Variants in COQ8A observed in about 807,000 individuals in gnomAD.
The protein encoded by COQ8A is atypical kinase COQ8A, mitochondrial.
A neutral mutation model predicts 65.0 loss-of-function variants in COQ8A; 51 were observed. The observed-to-expected ratio is 0.78, with a 90% confidence interval of 0.63 to 0.99. The LOEUF is 0.99. COQ8A is among the 50% of genes least tolerant of loss of function. COQ8A has a pLI of 0.00. For missense variants in COQ8A, 940 were observed against 875.0 expected, an observed-to-expected ratio of 1.07 and a Z score of -0.94; for synonymous variants, 371 against 353.2, an observed-to-expected ratio of 1.05 and a Z score of -0.57.
At chr1:226,940,988 C>T (rs188495843) in intron 1 of COQ8A, among the ~76,000 whole-genome samples, 1 of 152,344 alleles carries the variant, frequency 6.6e-6, no homozygotes, top group Non-Finnish European at 1.5e-5. Context: ...CTTTCCTCTT[C>T]TCCAAACTCT....
At chr1:226,959,807 G>T (rs1658040819) in intron 1 of COQ8A, among the ~76,000 whole-genome samples, 2 of 152,236 alleles carry the variant, frequency 1.3e-5, no homozygotes, top group African/African-American at 4.8e-5. Context: ...AGTTCACTGG[G>T]TATGTAGGAT....
At chr1:226,985,438 G>C in intron 14 of COQ8A, 98 bp downstream of exon 14, 1 of 1,447,162 alleles carries the variant, frequency 6.9e-7, no homozygotes, top group South Asian at 1.1e-5. Flanking sequence ...TGCCCTCAAG[G>C]GGCCCCCAGA....
In COQ8A at chr1:226,946,432, T is replaced by C. The variant is rs748242428; in HGVS notation, c.-10+6033T>C. On this transcript the variant is annotated intron_variant, in intron 1 of 14. Coordinates refer to ENST00000366777, the MANE Select transcript of COQ8A (RefSeq NM_020247.5). The surrounding 1 kb of genome is among the most constrained non-coding windows in gnomAD (Gnocchi z 5.3). ...CCGGGGGTCCATTCTGGCTGAAGCG[T>C]TGGGGCACGGAGGCATCTAGCGAGA... is the stretch of plus-strand genomic sequence containing the variant. 3.9e-5 allele frequency among the ~76,000 whole-genome samples: 6 copies of C among 152,094 alleles called. No homozygotes were observed. Among genetic ancestry groups the C allele is most frequent in the Non-Finnish European group, 7.4e-5 (5 of 68,004 alleles).
chr1:226,981,133 A>G (rs1659660080), intron 5 of COQ8A, among the ~76,000 whole-genome samples: 1 of 152,256 alleles, frequency 6.6e-6, no homozygotes. Flanking sequence ...GCCCGGCGAC[A>G]AGGGGTGCTG....
rs1216629181 is a variant in COQ8A at position 226,982,072 on chromosome 1, A to G, written c.776A>G (p.Asn259Ser). 3.7e-6 allele frequency: 6 copies of G among 1,612,766 alleles called. No individual in the cohort carries two copies. The highest frequency in any genetic ancestry group is 2.2e-5 in the East Asian group (1 of 44,880). ...LGSSPFLSEA[N>S]AERIVRTLCK... is the part of the protein sequence containing the mutation. ...TCCAGTCCTTTCCTGTCCGAGGCCA[A>G]TGCAGAGCGGATCGTGCGCACGCTC... is the stretch of plus-strand genomic sequence containing the variant. The change falls in exon 6 of 15, where the codon AAT becomes AGT. Residue 259 changes from asparagine (N) to serine (S), a missense_variant. Transcript: ENST00000366777.
rs757385972 is a variant in COQ8A, at chr1:226,983,811, G to C, written c.1213G>C (p.Glu405Gln). The change falls in exon 10 of 15, where the codon GAG (glutamate) becomes CAG (glutamine). Residue 405 changes from glutamate (E) to glutamine (Q), a missense_variant. Physicochemically the swap from Glu to Gln is conservative, Grantham distance 29 (BLOSUM62 2). Transcript: ENST00000366777. ...CGTGCTGAGGCGGGAGCTGGCCCTG[G>C]AGTGTGACTACCAGCGAGAGGCCGC... Reference protein sequence around the residue: ...IDVLRRELALECDYQREAACA... With the variant: ...IDVLRRELALQCDYQREAACA... 1.9e-6 allele frequency: 3 copies of C among 1,612,430 alleles called. No homozygotes were observed. The highest frequency in any genetic ancestry group is 1.7e-6 in the Non-Finnish European group (2 of 1,179,992).
In COQ8A at chr1:226,984,235, G is replaced by C. The variant is rs1408215736; in HGVS notation, c.1398G>C (p.Glu466Asp). The C allele has an allele frequency of 1.2e-6, 2 of 1,613,418 alleles. No homozygotes were observed. The highest frequency in any genetic ancestry group is 2.2e-5 in the East Asian group (1 of 44,890). ...GGCTCAGCCAGGAGATTCGGAACGAGGTTTGTCTGTGCCAGCAGACAGGTG... is the reference window on the plus strand; with the variant it reads ...GGCTCAGCCAGGAGATTCGGAACGACGTTTGTCTGTGCCAGCAGACAGGTG... Reference protein sequence around the residue: ...AEGLSQEIRNEICYNILVLCL... With the variant: ...AEGLSQEIRNDICYNILVLCL... The change falls in exon 11 of 15, where the codon GAG becomes GAC. Residue 466 changes from glutamate (E) to aspartate (D), a missense_variant and splice_region_variant. Physicochemically the swap from Glu to Asp is conservative, Grantham distance 45. Transcript: ENST00000366777.
intron 1 of COQ8A, among the ~76,000 whole-genome samples, chr1:226,955,701 C>T (rs1657676767): frequency 2.2e-5 from 3 of 135,558 alleles, no homozygotes; most frequent in East Asian, 2.4e-4. Context: ...CTCTCCCTGG[C>T]TCCCACTCCC....
At chr1:226,947,898 G>A (rs1558178740) in intron 1 of COQ8A, among the ~76,000 whole-genome samples, 1 of 152,156 alleles carries the variant, frequency 6.6e-6, no homozygotes, top group Non-Finnish European at 1.5e-5. Context: ...AATGCACTGA[G>A]CTGTCTGTGG....
At chr1:226,964,646 G>T (rs1658448538) in intron 2 of COQ8A, among the ~76,000 whole-genome samples, 1 of 151,510 alleles carries the variant, frequency 6.6e-6, no homozygotes, top group South Asian at 2.1e-4. Context: ...CCTGTCTTTT[G>T]CGCCCTGGTT....
chr1:226,941,388 A>G (rs1477951907), intron 1 of COQ8A, among the ~76,000 whole-genome samples: 2 of 152,176 alleles, frequency 1.3e-5, no homozygotes, highest in African/African-American at 4.8e-5. Context: ...TCATCCTGGC[A>G]GGAGGGCTCT....
intron 1 of COQ8A, among the ~76,000 whole-genome samples, chr1:226,944,740 AGAGAGAGAGT>A (rs1656912482): frequency 1.9e-3 from 24 of 12,636 alleles, no homozygotes; most frequent in South Asian, 3.8e-3. Flanking sequence ...AGAGAGAGAG[AGAGAGAGAGT>A]GAGAGAGAGA....
chr1:226,969,487 C>T (rs770104479), intron 4 of COQ8A, among the ~76,000 whole-genome samples: 3 of 152,176 alleles, frequency 2.0e-5, no homozygotes, highest in Non-Finnish European at 2.9e-5. Flanking sequence ...CCGCCCGCCT[C>T]GGCCTCCTAA....
chr1:226,977,644 C>A, intron 5 of COQ8A, 121 bp downstream of exon 5: 3 of 1,112,514 alleles, frequency 2.7e-6, no homozygotes, highest in South Asian at 1.5e-5. Context: ...GCATGGGGTT[C>A]CACGTAAGTG....
intron 1 of COQ8A, among the ~76,000 whole-genome samples, chr1:226,960,330 C>T (rs1336119389): frequency 9.0e-3 from 10 of 1,108 alleles, no homozygotes; most frequent in African/African-American, 0.013. Context: ...GTGGTGGTAT[C>T]AGTGGTACTT....
At chr1:226,945,253 G>T (rs1373960801) in intron 1 of COQ8A, among the ~76,000 whole-genome samples, 1 of 152,162 alleles carries the variant, frequency 6.6e-6, no homozygotes, top group African/African-American at 2.4e-5. Context: ...GGTCACCCGC[G>T]CTTGGTGGCC....
intron 1 of COQ8A, among the ~76,000 whole-genome samples, chr1:226,945,100 T>G (rs116641238): frequency 0.014 from 2,195 of 152,300 alleles, 24 homozygotes; most frequent in South Asian, 0.028. Context: ...CTGTGTGTGC[T>G]CTCCTTGCTG....
chr1:226,943,552 A>G (rs773270712), intron 1 of COQ8A, among the ~76,000 whole-genome samples: 1 of 152,164 alleles, frequency 6.6e-6, no homozygotes, highest in Non-Finnish European at 1.5e-5. Flanking sequence ...ATGCAGGTGG[A>G]ATTTCTAGAC....
Position 226,984,229 on chromosome 1 carries a change from G to C in COQ8A, c.1392G>C (p.Arg464=). ...DQAEGLSQEI[R]NEICYNILVL... is the part of the protein sequence containing the mutation. Reference sequence around the variant, plus strand: ...CCGAAGGGCTCAGCCAGGAGATTCGGAACGAGGTTTGTCTGTGCCAGCAGA... The same window carrying C: ...CCGAAGGGCTCAGCCAGGAGATTCGCAACGAGGTTTGTCTGTGCCAGCAGA... Residue 464 remains arginine, a synonymous_variant, in exon 11 of 15, where the codon CGG becomes CGC. Coordinates refer to ENST00000366777, the MANE Select transcript of COQ8A (RefSeq NM_020247.5). 1 of 1,613,630 alleles carries C rather than the reference G, an allele frequency of 6.2e-7. No individual in the cohort carries two copies. Among genetic ancestry groups the C allele is most frequent in the Non-Finnish European group, 8.5e-7 (1 of 1,179,990 alleles).
Sources: allele counts gnomAD v4.1 joint callset (sites outside exome capture counted in the v4.1 genomes callset), GRCh38; gene constraint gnomAD v4.1.1; non-coding constraint Gnocchi (gnomAD v3.1); transcripts MANE v1.5; gene names NCBI Gene and HGNC (gene_info 2026-07-23, HGNC 2026-07-21).